The following ATRX variants were observed in gnomAD, a reference collection of about 807,000 sequenced individuals.
ATRX encodes the protein ATRX chromatin remodeler.
Under a neutral mutation model 172.6 loss-of-function variants are expected in ATRX, and 12 were observed. That is an observed-to-expected ratio of 0.07 (90% CI 0.04 to 0.11). ATRX has a LOEUF of 0.11. ATRX is among the 10% of genes least tolerant of loss of function. The pLI is 1.00. For synonymous variants in ATRX, 674 were observed against 594.7 expected, an observed-to-expected ratio of 1.13 and a Z score of -1.94; for missense variants, 1,368 against 1,767.4, an observed-to-expected ratio of 0.77 and a Z score of 4.05.
chrX:77,664,175 G>A (rs2070098282), intron 11 of ATRX, among the ~76,000 whole-genome samples: 1 of 111,169 alleles, frequency 9.0e-6, no homozygotes, highest in Admixed American at 9.5e-5. Flanking sequence ...ATTATTACAA[G>A]ATATTCAAGA....
intron 30 of ATRX, among the ~76,000 whole-genome samples, chrX:77,539,596 C>T (rs369381051): frequency 9.0e-6 from 1 of 110,661 alleles, no homozygotes; most frequent in Admixed American, 9.6e-5. Flanking sequence ...GAAACGACCA[C>T]CACAGACTAA....
At chrX:77,616,044 T>C (rs1470467231) in intron 22 of ATRX, 9 of 751,832 alleles carry the variant, frequency 1.2e-5, no homozygotes, top group Non-Finnish European at 1.4e-5. Flanking sequence ...AGCTTATTGA[T>C]GGTAAAACAA....
At position 77,683,326 on chromosome X, in the gene ATRX, C is replaced by T; in HGVS notation, c.1930G>A (p.Val644Ile). The T allele has an allele frequency of 8.3e-7, 1 of 1,210,986 alleles. No individual in the cohort carries two copies. The highest frequency in any genetic ancestry group is 1.1e-6 in the Non-Finnish European group (1 of 895,151). ...TCAGATTCCTCTAAAAGTAATGAAA[C>T]TTCATTTTCAACCAAATGCTCATTA... ...SDNEHLVENE[V>I]SLLLEESDLR... Residue 644 changes from valine to isoleucine, a missense_variant, in exon 9 of 35, where the codon GTT becomes ATT. Val to Ile is a conservative substitution (Grantham distance 29). Coordinates refer to ENST00000373344, the MANE Select transcript of ATRX (RefSeq NM_000489.6).
intron 1 of ATRX, among the ~76,000 whole-genome samples, chrX:77,763,668 A>G (rs1557194045): frequency 3.9e-5 from 4 of 103,068 alleles, no homozygotes; most frequent in Non-Finnish European, 3.9e-5. Context: ...ACGGGGTTTC[A>G]CCATGTTGGC....
chrX:77,659,050 G>A (rs969334958), intron 12 of ATRX, among the ~76,000 whole-genome samples: 1 of 111,328 alleles, frequency 9.0e-6, no homozygotes, highest in African/African-American at 3.3e-5. Flanking sequence ...AAGAAATGTC[G>A]GGGGAGAGGG....
intron 1 of ATRX, among the ~76,000 whole-genome samples, chrX:77,746,413 T>C (rs2075077318): frequency 8.9e-6 from 1 of 112,089 alleles, no homozygotes; most frequent in African/African-American, 3.2e-5. Context: ...CTAGTCTGTA[T>C]ATACTTATTG....
At chrX:77,709,475 G>C (rs2073001551) in intron 2 of ATRX, among the ~76,000 whole-genome samples, 1 of 110,713 alleles carries the variant, frequency 9.0e-6, no homozygotes, top group Admixed American at 9.7e-5. Context: ...ATAACTATTA[G>C]GTACTGGGCT....
chrX:77,530,633 C>CA lies in ATRX; in HGVS notation c.6700-7233dup, dbSNP rs782342029. Among the ~76,000 whole-genome samples, 823 of 106,259 alleles carry CA rather than the reference C, an allele frequency of 7.7e-3. 12 individuals are homozygous for CA. The highest frequency in any genetic ancestry group is 0.025 in the African/African-American group (731 of 29,185). The allele number at this position is 106,259 out of a possible 115,157, so 92.3% of individuals were successfully genotyped here. On this transcript the variant is annotated intron_variant, in intron 30 of 34. Coordinates refer to ENST00000373344, the MANE Select transcript of ATRX (RefSeq NM_000489.6). The stretch of plus-strand genomic sequence containing the variant: ...CAAAACAAACAAACAAACAAACAAA[C>CA]AAACAAAACAAAACTAGAAAGATTT...
chrX:77,741,556 T>C (rs1044516528), intron 1 of ATRX, among the ~76,000 whole-genome samples: 2 of 111,132 alleles, frequency 1.8e-5, no homozygotes, highest in South Asian at 7.6e-4. Context: ...CCACCTCCCA[T>C]GCTCAAGTGA....
In ATRX at chrX:77,594,013, C is replaced by T. The variant is rs2066378667; in HGVS notation, c.5957-164G>A. The T allele has an allele frequency of 8.9e-6, 4 of 448,929 alleles. No individual in the cohort carries two copies. In the East Asian group the frequency reaches 1.5e-4, roughly 17 times the overall value. 37.0% of individuals were successfully genotyped at this position (448,929 alleles called of 1,213,427 possible). On this transcript the variant is annotated intron_variant, in intron 25 of 34. Transcript: ENST00000373344. ...GAAAGGCAGGCACACGCACATACAGCACAGAAGGACAGAGACTATCCCAGA... is the reference window on the plus strand; with the variant it reads ...GAAAGGCAGGCACACGCACATACAGTACAGAAGGACAGAGACTATCCCAGA...
chrX:77,626,045 AT>A (rs2067826946), intron 19 of ATRX, among the ~76,000 whole-genome samples: 1 of 23,609 alleles, frequency 4.2e-5, no homozygotes, highest in African/African-American at 1.8e-4. Context: ...ATATATATAT[AT>A]ATATATATAT....
At chrX:77,613,594 T>A (rs1468419260) in intron 22 of ATRX, among the ~76,000 whole-genome samples, 1 of 112,399 alleles carries the variant, frequency 8.9e-6, no homozygotes, top group Middle Eastern at 4.2e-3. Flanking sequence ...TATGTTTGAC[T>A]TTTCATATAT....
At chrX:77,701,037 C>T (rs987774251) in intron 2 of ATRX, among the ~76,000 whole-genome samples, 2 of 111,798 alleles carry the variant, frequency 1.8e-5, no homozygotes, top group Non-Finnish European at 3.8e-5. Flanking sequence ...ATAAACTATG[C>T]ATTTGGGGTA....
At chrX:77,739,391 A>G (rs1557180904) in intron 1 of ATRX, among the ~76,000 whole-genome samples, 1 of 108,453 alleles carries the variant, frequency 9.2e-6, no homozygotes, top group Non-Finnish European at 1.9e-5. Flanking sequence ...TCAGATATAT[A>G]TATATATAAT....
rs1557141971 is a variant in ATRX at position 77,683,973 on chromosome X, T to A, written c.1283A>T (p.Asn428Ile). The stretch of plus-strand genomic sequence containing the variant: ...ATCTATGACTTTATGCTCTTTGGTA[T>A]TTTTCTCTTTGTTTACAGCATCCAT... Reference protein sequence around the residue: ...RAMDAVNKEKNTKEHKVIDAK... With the variant: ...RAMDAVNKEKITKEHKVIDAK... The change falls in exon 9 of 35, where the codon AAT becomes ATT. Residue 428 changes from asparagine (N) to isoleucine (I), a missense_variant. Coordinates refer to ENST00000373344, the MANE Select transcript of ATRX (RefSeq NM_000489.6). 1 of 1,210,665 alleles carries A rather than the reference T, an allele frequency of 8.3e-7. No individual in the cohort carries two copies.
chrX:77,527,901 G>A (rs1216820087), intron 30 of ATRX, among the ~76,000 whole-genome samples: 7 of 111,577 alleles, frequency 6.3e-5, no homozygotes, highest in Non-Finnish European at 1.1e-4. Flanking sequence ...AGGAGGGGCC[G>A]CCCACAGCGC....
intron 2 of ATRX, among the ~76,000 whole-genome samples, chrX:77,709,975 G>C (rs990836157): frequency 2.7e-5 from 3 of 111,602 alleles, no homozygotes; most frequent in African/African-American, 9.8e-5. Flanking sequence ...AATCGGCCCA[G>C]ATTTGCTTTA....
At chrX:77,600,726 G>A in intron 22 of ATRX, 162 bp from the exon 23 acceptor site, 1 of 455,773 alleles carries the variant, frequency 2.2e-6, no homozygotes. Flanking sequence ...AAACAAATAG[G>A]ATTACAAAAG....
chrX:77,578,691 T>C (rs782743945), intron 27 of ATRX, among the ~76,000 whole-genome samples: 7 of 112,410 alleles, frequency 6.2e-5, no homozygotes, highest in South Asian at 3.7e-4. Flanking sequence ...TGTTAGGTTA[T>C]GGTGAGACCC....
Sources: gnomAD v4.1 joint callset for allele counts (sites outside exome capture counted in the v4.1 genomes callset) on GRCh38, gnomAD v4.1.1 for gene constraint, MANE v1.5 for transcripts, NCBI Gene and HGNC (gene_info 2026-07-23, HGNC 2026-07-21) for gene names.